The following SRRM1 variants were observed in gnomAD, a reference collection of about 807,000 sequenced individuals.
The protein encoded by SRRM1 is serine and arginine repetitive matrix 1.
Under a neutral mutation model 110.2 loss-of-function variants are expected in SRRM1, and 19 were observed. That is an observed-to-expected ratio of 0.17 (90% CI 0.12 to 0.25). SRRM1 has a LOEUF of 0.25. Ranked by LOEUF, SRRM1 falls within the 10% of genes least tolerant of loss-of-function variation. The pLI, the probability that SRRM1 is intolerant of heterozygous loss-of-function variation, is 1.00. For missense variants in SRRM1, 918 were observed against 1,145.8 expected (o/e 0.80, Z 2.87); for synonymous variants, 443 against 414.9 (o/e 1.07, Z -0.82).
At chr1:24,656,474 A>G (rs1019790065) in intron 9 of SRRM1, among the ~76,000 whole-genome samples, 3 of 152,208 alleles carry the variant, frequency 2.0e-5, no homozygotes, top group African/African-American at 7.2e-5. Flanking sequence ...TTCAGTCCTC[A>G]GTTTGAGAGA....
chr1:24,660,757 T>A lies in SRRM1; in HGVS notation c.1354T>A (p.Ser452Thr), dbSNP rs1264082471. 4 of 1,592,756 alleles carry A rather than the reference T, an allele frequency of 2.5e-6. No individual in the cohort carries two copies. The African/African-American group carries it at 5.4e-5, about 22-fold the overall frequency. ...HKGTEKRESP[S>T]PAPKPRKVEL... Reference sequence around the variant, plus strand: ...AGGTACTGAGAAAAGAGAATCCCCTTCACCAGCACCGAAGCCTAGAAAAGT... The same window carrying A: ...AGGTACTGAGAAAAGAGAATCCCCTACACCAGCACCGAAGCCTAGAAAAGT... Residue 452 changes from serine (S) to threonine (T), a missense_variant, in exon 10 of 17, where the codon TCA becomes ACA. Coordinates refer to ENST00000323848, the MANE Select transcript of SRRM1 (RefSeq NM_005839.4).
chr1:24,667,055 C>T, intron 13 of SRRM1, 130 bp downstream of exon 13: 1 of 601,586 alleles, frequency 1.7e-6, no homozygotes, highest in Non-Finnish European at 3.0e-6. Context: ...CATGTGAAAA[C>T]CCAATCATCA....
chr1:24,661,514 AG>A, intron 11 of SRRM1, 118 bp downstream of exon 11: 1 of 652,480 alleles, frequency 1.5e-6, no homozygotes, highest in Non-Finnish European at 2.5e-6. Flanking sequence ...AATCTGTCTG[AG>A]GAGGCAGGAT....
At chr1:24,643,516 G>T in intron 1 of SRRM1, 169 bp downstream of exon 1, 1 of 550,188 alleles carries the variant, frequency 1.8e-6, no homozygotes. Context: ...GGCGGAGACC[G>T]GTGCGCCCCT....
intron 1 of SRRM1, 138 bp downstream of exon 1, chr1:24,643,485 C>CCT: frequency 1.5e-5 from 4 of 264,844 alleles, no homozygotes; most frequent in South Asian, 2.2e-4. Context: ...CCGGCGCACC[C>CCT]CCCCCCCCCC....
At chr1:24,661,886 G>A (rs1667415146) in intron 11 of SRRM1, among the ~76,000 whole-genome samples, 1 of 152,020 alleles carries the variant, frequency 6.6e-6, no homozygotes, top group African/African-American at 2.4e-5. Context: ...AGGAGTTCAA[G>A]ACCATCCTGG....
chr1:24,672,145 T>C, intron 16 of SRRM1, 37 bp from the exon 17 acceptor site: 2 of 1,495,140 alleles, frequency 1.3e-6, no homozygotes, highest in Non-Finnish European at 1.8e-6. Flanking sequence ...CCCACCAGGG[T>C]CTCAAGACTT....
At position 24,651,603 on chromosome 1, in the gene SRRM1, C is replaced by G. The variant is rs1259842866; in HGVS notation, c.716C>G (p.Thr239Ser). 6.2e-7 allele frequency: 1 copy of G among 1,608,276 alleles called. No individual in the cohort carries two copies. Residue 239 changes from threonine to serine, a missense_variant, in exon 6 of 17, where the codon ACT becomes AGT. Physicochemically the swap from Thr to Ser is moderately conservative, Grantham distance 58 (BLOSUM62 1). Coordinates refer to ENST00000323848, the MANE Select transcript of SRRM1 (RefSeq NM_005839.4). ...KVKEPSVQEATSTSDILKVPK... is the reference protein window; with the variant it reads ...KVKEPSVQEASSTSDILKVPK... ...AAAGAACCTTCAGTACAAGAGGCTA[C>G]TTCTACTAGGCAAGTATATAAAAAT...
intron 6 of SRRM1, 139 bp from the exon 7 acceptor site, chr1:24,652,295 C>A: frequency 1.7e-6 from 1 of 581,188 alleles, no homozygotes; most frequent in Non-Finnish European, 2.9e-6. Context: ...TACATACATA[C>A]TTATGTGTCT....
At chr1:24,654,463 A>G in intron 8 of SRRM1, 1 of 859,310 alleles carries the variant, frequency 1.2e-6, no homozygotes, top group Non-Finnish European at 1.6e-6. Flanking sequence ...TAAAAATGCA[A>G]CCTAAAGGTT....
Position 24,649,991 on chromosome 1 carries a change from A to G in SRRM1, c.426A>G (p.Ala142=), listed in dbSNP as rs1659702098. Reference sequence around the variant, plus strand: ...TGCAGATTGAACAAGAAAAACTGGCATCTATGAAAAAGCAAGATGAAGACA... The same window carrying G: ...TGCAGATTGAACAAGAAAAACTGGCGTCTATGAAAAAGCAAGATGAAGACA... ...KQRQIEQEKL[A]SMKKQDEDKD... The change falls in exon 5 of 17, where the codon GCA becomes GCG. Residue 142 remains alanine, a synonymous_variant. Transcript: ENST00000323848. 6.3e-7 allele frequency: 1 copy of G among 1,587,962 alleles called. No individual in the cohort carries two copies. The highest frequency in any genetic ancestry group is 8.6e-7 in the Non-Finnish European group (1 of 1,169,186).
At chr1:24,669,777 T>G in intron 14 of SRRM1, 190 bp downstream of exon 14, 1 of 605,888 alleles carries the variant, frequency 1.7e-6, no homozygotes. Flanking sequence ...TGCCACAGGC[T>G]TTTACTTGGT....
At chr1:24,645,007 G>A (rs539835509) in intron 1 of SRRM1, among the ~76,000 whole-genome samples, 1 of 152,102 alleles carries the variant, frequency 6.6e-6, no homozygotes, top group East Asian at 1.9e-4. Context: ...AATATTTTAG[G>A]GTCATTATCT....
At chr1:24,667,046 A>T in intron 13 of SRRM1, 121 bp downstream of exon 13, 1 of 617,484 alleles carries the variant, frequency 1.6e-6, no homozygotes. Context: ...TCATGTGTGC[A>T]TGTGAAAACC....
chr1:24,671,650 T>G, intron 16 of SRRM1, 55 bp downstream of exon 16: 1 of 1,481,352 alleles, frequency 6.8e-7, no homozygotes, highest in African/African-American at 1.4e-5. Context: ...GATAGCAAAG[T>G]CATTTTGTTT....
In SRRM1 at chr1:24,664,447, A is replaced by G. The variant is rs543414715; in HGVS notation, c.1628+1643A>G. Among the ~76,000 whole-genome samples, 5 of 152,360 alleles carry G rather than the reference A, an allele frequency of 3.3e-5. No homozygotes were observed. The South Asian group carries it at 1.0e-3, about 32-fold the overall frequency. On this transcript the variant is annotated intron_variant, in intron 12 of 16. Transcript: ENST00000323848. Reference sequence around the variant, plus strand: ...AGTTTCTTAGGGCCGCAAAGTGACAAAGTTGGATCTTAGACCTATACATTT... The same window carrying G: ...AGTTTCTTAGGGCCGCAAAGTGACAGAGTTGGATCTTAGACCTATACATTT...
At position 24,666,910 on chromosome 1, in the gene SRRM1, C is replaced by T; in HGVS notation, c.1724C>T (p.Pro575Leu). ...CCTCGACGGCGCAGGACTCCCACACCACCACCACGACGAAGGTACTTTGTC... is the reference window on the plus strand; with the variant it reads ...CCTCGACGGCGCAGGACTCCCACACTACCACCACGACGAAGGTACTTTGTC... ...PPPRRRRTPT[P>L]PPRRRTPSPP... The change falls in exon 13 of 17, where the codon CCA (proline) becomes CTA (leucine). Residue 575 changes from proline to leucine, a missense_variant. Pro to Leu is a moderately conservative substitution (Grantham distance 98). Transcript: ENST00000323848. The T allele has an allele frequency of 6.2e-7, 1 of 1,606,938 alleles. No individual in the cohort carries two copies. The highest frequency in any genetic ancestry group is 8.5e-7 in the Non-Finnish European group (1 of 1,177,696).
chr1:24,652,878 G>A, intron 7 of SRRM1, 35 bp from the exon 8 acceptor site: 1 of 1,593,880 alleles, frequency 6.3e-7, no homozygotes, highest in Non-Finnish European at 8.5e-7. Context: ...CTCACTCCTG[G>A]TTTATTCAGG....
intron 5 of SRRM1, among the ~76,000 whole-genome samples, chr1:24,650,815 C>T (rs1280547669): frequency 6.6e-6 from 1 of 152,134 alleles, no homozygotes; most frequent in East Asian, 1.9e-4. Context: ...AACTACTTGA[C>T]TATTGATGAA....
Sources: gnomAD v4.1 joint callset for allele counts (sites outside exome capture counted in the v4.1 genomes callset) on GRCh38, gnomAD v4.1.1 for gene constraint, MANE v1.5 for transcripts, NCBI Gene and HGNC (gene_info 2026-07-23, HGNC 2026-07-21) for gene names.